Variants in MRPS25 observed in about 807,000 individuals in gnomAD.
MRPS25 encodes the protein small ribosomal subunit protein mS25.
A neutral mutation model predicts 17.3 loss-of-function variants in MRPS25; 15 were observed. The observed-to-expected ratio is 0.87, with a 90% confidence interval of 0.58 to 1.34. The LOEUF is 1.34. MRPS25 is among the 40% of genes most tolerant of loss of function. The pLI is 0.00. For synonymous variants in MRPS25, 94 were observed against 83.3 expected, an observed-to-expected ratio of 1.13 and a Z score of -0.70; for missense variants, 225 against 218.6, an observed-to-expected ratio of 1.03 and a Z score of -0.19.
At position 15,065,046 on chromosome 3, in the gene MRPS25, G is replaced by C; in HGVS notation, c.134+15C>G. 2 of 1,563,910 alleles carry C rather than the reference G, an allele frequency of 1.3e-6. No homozygotes were observed. Among genetic ancestry groups the C allele is most frequent in the Non-Finnish European group, 8.6e-7 (1 of 1,160,258 alleles). The stretch of plus-strand genomic sequence containing the variant: ...GCAGGTTACGGCTCGCCAGGCGGCC[G>C]GGGCTGCGACTGACCTGGCGCCCTC... On this transcript the variant is annotated intron_variant, in intron 1 of 3. Transcript: ENST00000253686.
rs1486286592 is a variant in MRPS25 at position 15,049,120 on chromosome 3, G to A, written c.*3321C>T. On this transcript the variant is annotated 3_prime_UTR_variant, in exon 4 of 4. Coordinates refer to ENST00000253686, the MANE Select transcript of MRPS25 (RefSeq NM_022497.5). ...AATCAATGTCTTCAGTCTTGAAGAA[G>A]AATTTGCATTGTTGTGTTTGTATAT... is the stretch of plus-strand genomic sequence containing the variant. 1 of 152,596 alleles carries A rather than the reference G, an allele frequency of 6.6e-6. No individual in the cohort carries two copies. The highest frequency in any genetic ancestry group is 1.9e-4 in the East Asian group (1 of 5,204). The allele number at this position is 152,596 out of a possible 1,614,324, so 9.5% of individuals were successfully genotyped here. A position where few individuals can be genotyped will look rare whatever the true frequency, so the allele number is the denominator to read the frequency against.
downstream of MRPS25, chr3:15,042,926 T>C: frequency 6.2e-7 from 1 of 1,614,184 alleles, no homozygotes; most frequent in Non-Finnish European, 8.5e-7. Context: ...ATTGGCAATG[T>C]TTCGATAGAC....
At chr3:15,062,107 C>T (rs1477506684) in intron 1 of MRPS25, among the ~76,000 whole-genome samples, 4 of 143,924 alleles carry the variant, frequency 2.8e-5, no homozygotes, top group Non-Finnish European at 6.2e-5. Context: ...CTCAGCCGCC[C>T]GGCCAGCCGC....
downstream of MRPS25, chr3:15,047,714 C>T (rs950821624): frequency 9.2e-5 from 14 of 152,320 alleles, no homozygotes; most frequent in East Asian, 2.5e-3. Flanking sequence ...AAATAAACAA[C>T]CTACCAAGTA....
chr3:15,046,122 A>C (rs1016901119), downstream of MRPS25: 4 of 152,222 alleles, frequency 2.6e-5, no homozygotes, highest in African/African-American at 9.6e-5. Context: ...ATACTCTCCT[A>C]ATTTGACATT....
chr3:15,044,866 T>A (rs985902597), downstream of MRPS25: 1 of 152,206 alleles, frequency 6.6e-6, no homozygotes, highest in Non-Finnish European at 1.5e-5. Flanking sequence ...CGCAAGTCAG[T>A]GTTAGTAGGG....
At chr3:15,056,844 G>A (rs940470054) in intron 2 of MRPS25, among the ~76,000 whole-genome samples, 2 of 152,236 alleles carry the variant, frequency 1.3e-5, no homozygotes, top group Non-Finnish European at 2.9e-5. Flanking sequence ...CAGCATGAGC[G>A]AGGACGCGCA....
downstream of MRPS25, chr3:15,047,260 T>C (rs148956903): frequency 4.4e-3 from 672 of 152,452 alleles, 1 homozygote; most frequent in African/African-American, 0.015. Flanking sequence ...CCATTTTCCT[T>C]TGGGTGAGCC....
chr3:15,059,545 T>C, intron 1 of MRPS25, 70 bp from the exon 2 acceptor site: 1 of 1,033,794 alleles, frequency 9.7e-7, no homozygotes, highest in Admixed American at 2.0e-5. Context: ...TGGGTATTTT[T>C]CTAGGGAGAA....
intron 1 of MRPS25, among the ~76,000 whole-genome samples, chr3:15,064,086 G>T (rs925783216): frequency 6.6e-5 from 10 of 152,156 alleles, no homozygotes; most frequent in African/African-American, 2.2e-4. Flanking sequence ...TCACCAAGGG[G>T]ACCATGCCCC....
At position 15,052,547 on chromosome 3, in the gene MRPS25, C is replaced by A; in HGVS notation, c.416G>T (p.Cys139Phe). Residue 139 changes from cysteine to phenylalanine, a missense_variant, in exon 4 of 4, where the codon TGC becomes TTC. Physicochemically the swap from Cys to Phe is radical, Grantham distance 205 (BLOSUM62 -2). Transcript: ENST00000253686. ...FGPRKYCLRECICEVEGQVPC... is the reference protein window; with the variant it reads ...FGPRKYCLREFICEVEGQVPC... ...CACCTGCCCTTCCACTTCACAGATGCACTCCCGCAGGCAGTACTTTCGAGG... is the reference window on the plus strand; with the variant it reads ...CACCTGCCCTTCCACTTCACAGATGAACTCCCGCAGGCAGTACTTTCGAGG... 6.2e-7 allele frequency: 1 copy of A among 1,614,206 alleles called. No homozygotes were observed. Among genetic ancestry groups the A allele is most frequent in the Non-Finnish European group, 8.5e-7 (1 of 1,180,042 alleles).
rs1304679719 is a variant in MRPS25 at position 15,049,290 on chromosome 3, C to T, written c.*3151G>A. ...AAAGACTAACATGCATCCTGCTCTT[C>T]ATTTTTCTTCATGATAGTAGTAATG... On this transcript the variant is annotated 3_prime_UTR_variant, in exon 4 of 4. Transcript: ENST00000253686. 2.0e-5 allele frequency: 3 copies of T among 152,770 alleles called. No individual in the cohort carries two copies. Among genetic ancestry groups the T allele is most frequent in the Non-Finnish European group, 2.9e-5 (2 of 68,168 alleles). The allele number at this position is 152,770 out of a possible 1,614,324, so 9.5% of individuals were successfully genotyped here. A position where few individuals can be genotyped will look rare whatever the true frequency, so the allele number is the denominator to read the frequency against.
At chr3:15,054,787 G>GC (rs1159541368) in intron 2 of MRPS25, among the ~76,000 whole-genome samples, 2 of 152,124 alleles carry the variant, frequency 1.3e-5, no homozygotes, top group Non-Finnish European at 2.9e-5. Context: ...TATTTATAAT[G>GC]CATATATCTG....
chr3:15,046,974 C>G (rs1181720747), downstream of MRPS25: 1 of 152,656 alleles, frequency 6.6e-6, no homozygotes, highest in East Asian at 1.9e-4. Flanking sequence ...CTCCCACCAG[C>G]GTGCACTTCG....
chr3:15,061,485 C>A (rs541792662), intron 1 of MRPS25, among the ~76,000 whole-genome samples: 1 of 152,196 alleles, frequency 6.6e-6, no homozygotes, highest in African/African-American at 2.4e-5. Context: ...CCAGAGGTGC[C>A]GGGATTGCAG....
In MRPS25 at chr3:15,051,883, C is replaced by A. The variant is rs2042610865; in HGVS notation, c.*558G>T. The A allele has an allele frequency of 1.0e-6, 1 of 985,426 alleles. No homozygotes were observed. Among genetic ancestry groups the A allele is most frequent in the South Asian group, 4.7e-5 (1 of 21,300 alleles). 61.0% of individuals were successfully genotyped at this position (985,426 alleles called of 1,614,324 possible). ...TCCATCTCTGGCCCATGGCTAGGCC[C>A]CCCAGCAGGCAAGGGTAATCAACTG... On this transcript the variant is annotated 3_prime_UTR_variant, in exon 4 of 4. Coordinates refer to ENST00000253686, the MANE Select transcript of MRPS25 (RefSeq NM_022497.5).
At chr3:15,044,922 AATT>A (rs1290828116), downstream of MRPS25, 9 of 152,274 alleles carry the variant, frequency 5.9e-5, no homozygotes, top group African/African-American at 2.2e-4. Context: ...GTTTGGATTT[AATT>A]ATATCATTTT....
chr3:15,047,708 A>G (rs1026329694), downstream of MRPS25: 2 of 152,240 alleles, frequency 1.3e-5, no homozygotes, highest in Admixed American at 6.5e-5. Context: ...AGTTAAAAAT[A>G]AACAACCTAC....
At chr3:15,064,101 G>A (rs2042820359) in intron 1 of MRPS25, among the ~76,000 whole-genome samples, 1 of 152,280 alleles carries the variant, frequency 6.6e-6, no homozygotes, top group African/African-American at 2.4e-5. Flanking sequence ...TGCCCCACAA[G>A]AAGTTGCTCC....
Sources: gnomAD v4.1 joint callset for allele counts (sites outside exome capture counted in the v4.1 genomes callset) on GRCh38, gnomAD v4.1.1 for gene constraint, MANE v1.5 for transcripts, NCBI Gene and HGNC (gene_info 2026-07-23, HGNC 2026-07-21) for gene names.